DOCK1: variants seen among roughly 807,000 people sequenced by gnomAD.
DOCK1 encodes the protein dedicator of cytokinesis 1.
Under a neutral mutation model 262.7 loss-of-function variants are expected in DOCK1, and 138 were observed. The observed-to-expected ratio is 0.53, with a 90% CI of 0.46 to 0.61. The LOEUF is 0.61. DOCK1 is among the 20% of genes least tolerant of loss of function. The pLI is 0.00. For synonymous variants in DOCK1, 866 were observed against 867.4 expected (o/e 1.00, Z 0.03); for missense variants, 1,908 against 2,370.7 (o/e 0.80, Z 4.05).
intron 47 of DOCK1, among the ~76,000 whole-genome samples, chr10:127,432,115 G>C (rs547171704): frequency 6.6e-6 from 1 of 152,312 alleles, no homozygotes; most frequent in African/African-American, 2.4e-5. Flanking sequence ...CTGCTGGTCT[G>C]TGGAAAAATT....
intron 25 of DOCK1, among the ~76,000 whole-genome samples, chr10:127,113,759 A>G (rs535674228): frequency 6.6e-6 from 1 of 152,156 alleles, no homozygotes; most frequent in African/African-American, 2.4e-5. Context: ...GGCCTGAATG[A>G]GGACACCAGG....
chr10:127,298,962 A>T (rs897557425), intron 29 of DOCK1, among the ~76,000 whole-genome samples: 1 of 152,142 alleles, frequency 6.6e-6, no homozygotes, highest in African/African-American at 2.4e-5. Context: ...CAAGGTGTCT[A>T]TTGTAAGATA....
chr10:127,316,819 A>G (rs781356116), intron 29 of DOCK1, among the ~76,000 whole-genome samples: 2 of 152,114 alleles, frequency 1.3e-5, no homozygotes, highest in Non-Finnish European at 2.9e-5. Context: ...GCTCTGCCCC[A>G]CTGGATCCCA....
chr10:127,086,477 C>T lies in DOCK1; in HGVS notation c.2446-19754C>T, dbSNP rs114090413. Among the ~76,000 whole-genome samples, 931 of 152,234 alleles carry T rather than the reference C, an allele frequency of 6.1e-3. 6 individuals carry two copies. The highest frequency in any genetic ancestry group is 0.022 in the African/African-American group (896 of 41,524). On this transcript the variant is annotated intron_variant, in intron 23 of 51. Coordinates refer to ENST00000623213, the MANE Select transcript of DOCK1 (RefSeq NM_001290223.2). ...AAGAAGCAAAGAAATTTAACATGAA[C>T]TTGGCATTTTCTTGCTGGCATGAAC...
At chr10:127,075,936 T>G (rs1352983029) in intron 23 of DOCK1, among the ~76,000 whole-genome samples, 1 of 152,178 alleles carries the variant, frequency 6.6e-6, no homozygotes, top group East Asian at 1.9e-4. Context: ...TTGAGAAGTT[T>G]ATGATGGTTC....
At chr10:126,985,271 G>T (rs370494071) in intron 4 of DOCK1, among the ~76,000 whole-genome samples, 1 of 152,068 alleles carries the variant, frequency 6.6e-6, no homozygotes, top group South Asian at 2.1e-4. Context: ...GTGAGCCACC[G>T]CGTGGAGCCC....
At chr10:126,935,041 C>T (rs945752732) in intron 1 of DOCK1, among the ~76,000 whole-genome samples, 12 of 152,226 alleles carry the variant, frequency 7.9e-5, no homozygotes, top group Non-Finnish European at 1.2e-4. Context: ...ACCCAGGAGG[C>T]GGAGCTTGCA....
chr10:127,017,802 G>T (rs1299726198), intron 12 of DOCK1, among the ~76,000 whole-genome samples: 3 of 125,614 alleles, frequency 2.4e-5, no homozygotes, highest in Admixed American at 1.6e-4. Context: ...GGGGGGAAAA[G>T]ATGCCGTCGT....
rs545953124 is a variant in DOCK1 at position 126,998,088 on chromosome 10, A to G, written c.610-4A>G. The G allele has an allele frequency of 6.2e-7, 1 of 1,613,970 alleles. No homozygotes were observed. Among genetic ancestry groups the G allele is most frequent in the African/African-American group, 1.3e-5 (1 of 75,046 alleles). On this transcript the variant is annotated splice_polypyrimidine_tract_variant and splice_region_variant and intron_variant, in intron 7 of 51. Transcript: ENST00000623213. ...GTTGACTTTCTGTTTCCTTCCATAC[A>G]CAGTCTCAAAAGCAGAACATAGATA...
At chr10:127,396,585 A>G (rs973131726) in intron 38 of DOCK1, among the ~76,000 whole-genome samples, 1 of 152,142 alleles carries the variant, frequency 6.6e-6, no homozygotes, top group African/African-American at 2.4e-5. Flanking sequence ...AGTGGCCAGT[A>G]GCTGCCTGTG....
At chr10:127,030,256 T>A (rs1427543502) in intron 16 of DOCK1, among the ~76,000 whole-genome samples, 1 of 152,182 alleles carries the variant, frequency 6.6e-6, no homozygotes, top group Non-Finnish European at 1.5e-5. Flanking sequence ...AGTTTCCAGC[T>A]CTGGTCCTCT....
chr10:127,071,598 C>T (rs1465367161), intron 23 of DOCK1, among the ~76,000 whole-genome samples: 1 of 152,112 alleles, frequency 6.6e-6, no homozygotes, highest in Non-Finnish European at 1.5e-5. Context: ...ATTTTTTTAT[C>T]ATTTTATCAC....
chr10:127,393,304 A>G (rs1385089703), intron 38 of DOCK1, among the ~76,000 whole-genome samples: 1 of 152,184 alleles, frequency 6.6e-6, no homozygotes, highest in African/African-American at 2.4e-5. Flanking sequence ...TGGCAAAACC[A>G]TGACCCGGCT....
rs2134701860 is a variant in DOCK1, at chr10:127,437,906, T to G, written c.5061-1121T>G. ...GCTAAATTATCTTCTCTTGAAATCA[T>G]GCTCCCCTTGAAGAAGCCAATTGCT... On this transcript the variant is annotated intron_variant, in intron 48 of 51. Coordinates refer to ENST00000623213, the MANE Select transcript of DOCK1 (RefSeq NM_001290223.2). This position sits in a 1 kb window ranked among gnomAD's most constrained non-coding sequence, Gnocchi z 4.4. Among the ~76,000 whole-genome samples the G allele has an allele frequency of 6.6e-6, 1 of 152,372 alleles. No individual in the cohort carries two copies. The highest frequency in any genetic ancestry group is 1.9e-4 in the East Asian group (1 of 5,182).
At chr10:126,966,698 A>T (rs1284633611) in intron 1 of DOCK1, among the ~76,000 whole-genome samples, 3 of 152,184 alleles carry the variant, frequency 2.0e-5, no homozygotes, top group Non-Finnish European at 2.9e-5. Context: ...TAGGTCTCTG[A>T]TAAGGCACAG....
Position 127,044,009 on chromosome 10 carries a change from C to T in DOCK1, c.2201+845C>T, listed in dbSNP as rs566360877. ...CATTAGATTTATTATGATGACTTAC[C>T]GGCTCTTTCTTGGTGGAATTTATTG... On this transcript the variant is annotated intron_variant, in intron 21 of 51. Transcript: ENST00000623213. 2.0e-3 allele frequency among the ~76,000 whole-genome samples: 305 copies of T among 151,946 alleles called. 1 individual carries two copies. The highest frequency in any genetic ancestry group is 6.8e-3 in the African/African-American group (283 of 41,414).
At chr10:127,144,909 C>G (rs969084713) in intron 27 of DOCK1, among the ~76,000 whole-genome samples, 5 of 152,168 alleles carry the variant, frequency 3.3e-5, no homozygotes. Flanking sequence ...GATCTGTCCC[C>G]TTTTCCTGGT....
chr10:127,116,648 T>TA (rs1160644028), intron 25 of DOCK1, among the ~76,000 whole-genome samples: 2 of 152,178 alleles, frequency 1.3e-5, no homozygotes, highest in Admixed American at 6.5e-5. Flanking sequence ...CATTTTTGAT[T>TA]AAAAAAACCA....
At position 127,066,172 on chromosome 10, in the gene DOCK1, T is replaced by C. The variant is rs140261828; in HGVS notation, c.2445+4396T>C. 2.7e-3 allele frequency among the ~76,000 whole-genome samples: 418 copies of C among 152,204 alleles called. 4 individuals carry two copies. Among genetic ancestry groups the C allele is most frequent in the African/African-American group, 9.7e-3 (402 of 41,544 alleles). ...TCTGCCCTCGAGTCGTGTTCTGTGT[T>C]CTGCCCCAAGAGATTGTGGCTGCTG... On this transcript the variant is annotated intron_variant, in intron 23 of 51. Coordinates refer to ENST00000623213, the MANE Select transcript of DOCK1 (RefSeq NM_001290223.2).
Sources: gnomAD v4.1 joint callset for allele counts (sites outside exome capture counted in the v4.1 genomes callset) on GRCh38, gnomAD v4.1.1 for gene constraint, Gnocchi (gnomAD v3.1) non-coding constraint, MANE v1.5 for transcripts, NCBI Gene and HGNC (gene_info 2026-07-23, HGNC 2026-07-21) for gene names.